The following CCDC73 variants were observed in gnomAD, a reference collection of about 807,000 sequenced individuals.
CCDC73 encodes coiled-coil domain containing 73, also known as coiled-coil domain-containing protein 73.
A neutral mutation model predicts 116.5 loss-of-function variants in CCDC73; 95 were observed. The observed-to-expected ratio is 0.82, with a 90% CI of 0.69 to 0.97. CCDC73 has a LOEUF of 0.97. CCDC73 is among the 50% of genes least tolerant of loss of function. The probability of loss-of-function intolerance (pLI) is 0.00; values close to 1 mark genes in which losing one functional copy is unlikely to be tolerated. For missense variants in CCDC73, 1,066 were observed against 1,206.8 expected (o/e 0.88, Z 1.73); for synonymous variants, 398 against 401.3 (o/e 0.99, Z 0.10).
At chr11:32,805,277 T>A in the CCDC73 span, among the ~76,000 whole-genome samples, 1 of 152,264 alleles carries the variant, frequency 6.6e-6, no homozygotes, top group Non-Finnish European at 1.5e-5. Flanking sequence ...CTGCTTTTCA[T>A]GTTAATGCTA....
In CCDC73 at chr11:32,637,106, G is replaced by A. The variant is rs562792528; in HGVS notation, c.1051-1276C>T. Among the ~76,000 whole-genome samples, 10 of 132,152 alleles carry A rather than the reference G, an allele frequency of 7.6e-5. 1 individual carries two copies. The East Asian group carries it at 1.1e-3, about 15-fold the overall frequency. 86.7% of individuals were successfully genotyped at this position (132,152 alleles called of 152,430 possible). A position where few individuals can be genotyped will look rare whatever the true frequency, so the allele number is the denominator to read the frequency against. On this transcript the variant is annotated intron_variant, in intron 13 of 17. Coordinates refer to ENST00000335185, the MANE Select transcript of CCDC73 (RefSeq NM_001008391.4). ...GTGATCTTGGCTCACTGCAACCTCC[G>A]CCTCCTGGATTCAAGCGAGTCTTCT... is the stretch of plus-strand genomic sequence containing the variant.
At chr11:32,630,254 A>T (rs1198163178) in intron 14 of CCDC73, among the ~76,000 whole-genome samples, 1 of 152,130 alleles carries the variant, frequency 6.6e-6, no homozygotes, top group Non-Finnish European at 1.5e-5. Context: ...GATAAATTAA[A>T]CTCTAGAATA....
chr11:32,629,793 G>T (rs1423099900), intron 14 of CCDC73, among the ~76,000 whole-genome samples: 4 of 146,876 alleles, frequency 2.7e-5, no homozygotes, highest in Admixed American at 2.7e-4. Context: ...AAATGGAATG[G>T]CATCTTAAAA....
At chr11:32,623,191 G>C (rs1325206062) in intron 14 of CCDC73, among the ~76,000 whole-genome samples, 1 of 151,552 alleles carries the variant, frequency 6.6e-6, no homozygotes, top group African/African-American at 2.4e-5. Context: ...ATTTTTAGTA[G>C]AGACAGGGTT....
intron 14 of CCDC73, among the ~76,000 whole-genome samples, chr11:32,628,507 C>T (rs1855597602): frequency 6.6e-6 from 1 of 152,132 alleles, no homozygotes; most frequent in Non-Finnish European, 1.5e-5. Flanking sequence ...TTCCAGAGCT[C>T]CCACAGGTCT....
At chr11:32,811,172 A>C in the CCDC73 span, among the ~76,000 whole-genome samples, 4 of 152,284 alleles carry the variant, frequency 2.6e-5, no homozygotes, top group African/African-American at 9.6e-5. Flanking sequence ...TTAGGAAATA[A>C]AGCATAACAT....
chr11:32,769,426 G>A (rs917814864), intron 1 of CCDC73, among the ~76,000 whole-genome samples: 3 of 152,124 alleles, frequency 2.0e-5, no homozygotes, highest in Non-Finnish European at 4.4e-5. Context: ...CATATAGTAA[G>A]GTAGACTTGG....
chr11:32,638,564 T>C (rs1400733165), intron 13 of CCDC73, among the ~76,000 whole-genome samples: 1 of 152,022 alleles, frequency 6.6e-6, no homozygotes, highest in Admixed American at 6.6e-5. Context: ...CTGCAACCTC[T>C]GACTCCCAGG....
intron 2 of CCDC73, among the ~76,000 whole-genome samples, chr11:32,726,146 GCA>G (rs778945335): frequency 6.6e-6 from 1 of 152,136 alleles, no homozygotes; most frequent in Non-Finnish European, 1.5e-5. Context: ...AACTTTTCAT[GCA>G]CAAAGTCAGT....
At chr11:32,740,252 G>GT (rs1477819131) in intron 2 of CCDC73, among the ~76,000 whole-genome samples, 1 of 151,888 alleles carries the variant, frequency 6.6e-6, no homozygotes, top group Non-Finnish European at 1.5e-5. Flanking sequence ...TTTTGGAATA[G>GT]TTTGAGTAGA....
At chr11:32,683,762 T>C (rs149007730) in intron 6 of CCDC73, among the ~76,000 whole-genome samples, 188 bp from the exon 7 acceptor site, 1 of 152,304 alleles carries the variant, frequency 6.6e-6, no homozygotes, top group East Asian at 1.9e-4. Flanking sequence ...AATATAGCAG[T>C]GAACAAAACA....
chr11:32,771,336 G>GTATGA (rs1312291390), intron 1 of CCDC73, among the ~76,000 whole-genome samples: 1 of 152,112 alleles, frequency 6.6e-6, no homozygotes, highest in East Asian at 1.9e-4. Context: ...GAATCCAGAG[G>GTATGA]TATGGCCAAG....
At chr11:32,729,176 T>C (rs1850054611) in intron 2 of CCDC73, among the ~76,000 whole-genome samples, 1 of 152,134 alleles carries the variant, frequency 6.6e-6, no homozygotes, top group South Asian at 2.1e-4. Context: ...CCCTCCCCAT[T>C]CCTGCCCTAA....
intron 13 of CCDC73, among the ~76,000 whole-genome samples, chr11:32,636,647 CT>C (rs1355159002): frequency 6.6e-6 from 1 of 152,016 alleles, no homozygotes; most frequent in African/African-American, 2.4e-5. Context: ...TGTAATATTC[CT>C]TATTATAAAT....
chr11:32,754,722 T>C (rs989038997), intron 2 of CCDC73, among the ~76,000 whole-genome samples: 2 of 151,860 alleles, frequency 1.3e-5, no homozygotes, highest in African/African-American at 2.4e-5. Flanking sequence ...AGAACACAAA[T>C]GTAATCTACA....
rs1443919917 is a variant in CCDC73, at chr11:32,619,744, C to G, written c.1186-3615G>C. Among the ~76,000 whole-genome samples, 27 of 148,192 alleles carry G rather than the reference C, an allele frequency of 1.8e-4. No homozygotes were observed. In the Admixed American group the frequency reaches 1.8e-3, roughly 10 times the overall value. ...GGAGAAGGAGGAGATGAAGAAGGAG[C>G]AGAAGGAGGAGGAGGAGATGAAGAA... On this transcript the variant is annotated intron_variant, in intron 14 of 17. Transcript: ENST00000335185.
intron 2 of CCDC73, among the ~76,000 whole-genome samples, chr11:32,735,332 C>A (rs963680957): frequency 4.6e-5 from 7 of 152,174 alleles, no homozygotes; most frequent in Non-Finnish European, 1.0e-4. Flanking sequence ...TCTCAGGATA[C>A]AAAATCAATG....
At chr11:32,757,946 T>C (rs1362527343) in intron 2 of CCDC73, among the ~76,000 whole-genome samples, 4 of 152,212 alleles carry the variant, frequency 2.6e-5, no homozygotes, top group Non-Finnish European at 5.9e-5. Context: ...GACATGGACA[T>C]GCTTGGGTGC....
chr11:32,627,612 C>T (rs1855588088), intron 14 of CCDC73, among the ~76,000 whole-genome samples: 1 of 152,166 alleles, frequency 6.6e-6, no homozygotes, highest in Admixed American at 6.5e-5. Flanking sequence ...AAATGTGGCA[C>T]ATATACACCA....
Sources: allele counts gnomAD v4.1 joint callset (sites outside exome capture counted in the v4.1 genomes callset), GRCh38; gene constraint gnomAD v4.1.1; transcripts MANE v1.5; gene names NCBI Gene and HGNC (gene_info 2026-07-23, HGNC 2026-07-21).